The following NBAS variants were observed in gnomAD, a reference collection of about 807,000 sequenced individuals.
NBAS encodes NBAS subunit of NRZ tethering complex.
NBAS carries 219 observed loss-of-function variants against 302.5 expected under a neutral mutation model. The observed-to-expected ratio is 0.72, with a 90% CI of 0.65 to 0.81. The LOEUF (loss-of-function observed/expected upper bound fraction) is 0.81. Ranked by LOEUF, NBAS falls within the 30% of genes least tolerant of loss-of-function variation. The pLI is 0.00. For synonymous variants in NBAS, 1,118 were observed against 1,021.6 expected, an observed-to-expected ratio of 1.09 and a Z score of -1.80; for missense variants, 2,932 against 2,841.6, an observed-to-expected ratio of 1.03 and a Z score of -0.72.
At chr2:15,309,401 AT>A (rs1445917952) in intron 38 of NBAS, among the ~76,000 whole-genome samples, 154 bp from the exon 39 acceptor site, 1 of 152,244 alleles carries the variant, frequency 6.6e-6, no homozygotes, top group East Asian at 1.9e-4. Flanking sequence ...AAAACAGATC[AT>A]ATGGAACTGT....
the NBAS span, among the ~76,000 whole-genome samples, chr2:14,793,073 TC>T: frequency 6.9e-6 from 1 of 145,866 alleles, no homozygotes; most frequent in East Asian, 2.0e-4. Context: ...TCTGTTTCTC[TC>T]TCTCTCTCTC....
chr2:14,909,931 C>T, the NBAS span, among the ~76,000 whole-genome samples: 6 of 152,310 alleles, frequency 3.9e-5, no homozygotes, highest in East Asian at 1.2e-3. Context: ...AATTGATGCT[C>T]TTGGGCTCTG....
chr2:15,017,933 A>G, the NBAS span, among the ~76,000 whole-genome samples: 1 of 152,126 alleles, frequency 6.6e-6, no homozygotes, highest in Non-Finnish European at 1.5e-5. Context: ...AATGTGGTAT[A>G]TATACACAAT....
chr2:15,443,043 G>C (rs961866355), intron 21 of NBAS, among the ~76,000 whole-genome samples: 48 of 151,566 alleles, frequency 3.2e-4, no homozygotes, highest in African/African-American at 1.1e-3. Context: ...TCCAGGACCA[G>C]ATGGATTCAC....
the NBAS span, among the ~76,000 whole-genome samples, chr2:15,039,514 T>C: frequency 1.3e-5 from 2 of 152,174 alleles, no homozygotes; most frequent in African/African-American, 4.8e-5. Flanking sequence ...TCAAATCCTA[T>C]CCCAGGAGCC....
chr2:14,800,789 T>TTA, the NBAS span, among the ~76,000 whole-genome samples: 2 of 141,630 alleles, frequency 1.4e-5, no homozygotes, highest in African/African-American at 5.9e-5. Flanking sequence ...TAAATTGTTT[T>TTA]TGTTTTTTTT....
the NBAS span, among the ~76,000 whole-genome samples, chr2:14,784,358 C>T: frequency 6.6e-6 from 1 of 152,100 alleles, no homozygotes; most frequent in African/African-American, 2.4e-5. Flanking sequence ...TTTGTTGCCA[C>T]TGCTTTTGGT....
the NBAS span, among the ~76,000 whole-genome samples, chr2:15,146,732 A>ATAGG: frequency 6.6e-6 from 1 of 152,144 alleles, no homozygotes; most frequent in Admixed American, 6.5e-5. Context: ...GATAGATGGT[A>ATAGG]TAGGTCTGGC....
chr2:15,200,945 T>G (rs1327739491), intron 48 of NBAS, among the ~76,000 whole-genome samples: 2 of 152,220 alleles, frequency 1.3e-5, no homozygotes, highest in Admixed American at 1.3e-4. Flanking sequence ...CTTTAGAAAT[T>G]TACAAATATG....
At chr2:15,362,599 C>G (rs1205112945) in intron 32 of NBAS, among the ~76,000 whole-genome samples, 1 of 152,150 alleles carries the variant, frequency 6.6e-6, no homozygotes, top group Non-Finnish European at 1.5e-5. Context: ...GTAACAGTAA[C>G]ATATATTGGA....
the NBAS span, among the ~76,000 whole-genome samples, chr2:14,972,720 C>T: frequency 1.3e-5 from 2 of 152,290 alleles, no homozygotes; most frequent in East Asian, 3.9e-4. Context: ...TCAAAGAAAT[C>T]GTCTGAAAGT....
chr2:14,888,719 C>A, the NBAS span, among the ~76,000 whole-genome samples: 1 of 152,124 alleles, frequency 6.6e-6, no homozygotes. Flanking sequence ...CATAACATAA[C>A]CCTGCTTCCA....
chr2:14,896,450 C>T, the NBAS span, among the ~76,000 whole-genome samples: 13 of 152,278 alleles, frequency 8.5e-5, no homozygotes, highest in South Asian at 2.1e-4. Context: ...CTCCCTCCTA[C>T]GCCCCCACAC....
the NBAS span, among the ~76,000 whole-genome samples, chr2:15,067,776 C>T: frequency 6.6e-6 from 1 of 152,118 alleles, no homozygotes; most frequent in Non-Finnish European, 1.5e-5. Flanking sequence ...AGTTAACATA[C>T]TGTGTTATGC....
chr2:14,891,576 C>T, the NBAS span, among the ~76,000 whole-genome samples: 12 of 152,164 alleles, frequency 7.9e-5, no homozygotes, highest in African/African-American at 2.9e-4. Flanking sequence ...ATCCTCAGAA[C>T]TACCTGGGAA....
the NBAS span, among the ~76,000 whole-genome samples, chr2:15,004,829 A>T: frequency 6.6e-6 from 1 of 152,132 alleles, no homozygotes; most frequent in Non-Finnish European, 1.5e-5. Context: ...TTTAATTAAG[A>T]CTTTAAAAAG....
chr2:15,368,303 G>A (rs1476968878), intron 31 of NBAS, among the ~76,000 whole-genome samples: 2 of 148,282 alleles, frequency 1.3e-5, no homozygotes, highest in African/African-American at 5.0e-5. Flanking sequence ...AGGTTCAAGC[G>A]ATTCTTCTGC....
chr2:15,541,783 C>T (rs1172324280), intron 6 of NBAS, among the ~76,000 whole-genome samples: 3 of 128,162 alleles, frequency 2.3e-5, no homozygotes, highest in East Asian at 2.0e-4. Flanking sequence ...CCCAGCCAGT[C>T]GCCCCGTCCG....
intron 51 of NBAS, among the ~76,000 whole-genome samples, chr2:15,169,861 G>T (rs1047646701): frequency 6.6e-6 from 1 of 152,232 alleles, no homozygotes; most frequent in Non-Finnish European, 1.5e-5. Flanking sequence ...GCATGCACAT[G>T]CTAATGCGTG....
Sources: gnomAD v4.1 joint callset for allele counts (sites outside exome capture counted in the v4.1 genomes callset) on GRCh38, gnomAD v4.1.1 for gene constraint, MANE v1.5 for transcripts, NCBI Gene and HGNC (gene_info 2026-07-23, HGNC 2026-07-21) for gene names.